DTD1: variants seen among roughly 807,000 people sequenced by gnomAD.
The protein encoded by DTD1 is D-aminoacyl-tRNA deacylase 1, also known as D-tyrosyl-tRNA deacylase 1 homolog.
Under a neutral mutation model 25.6 loss-of-function variants are expected in DTD1, and 13 were observed. The observed-to-expected ratio is 0.51, with a 90% CI of 0.33 to 0.81. The LOEUF (loss-of-function observed/expected upper bound fraction) is 0.81. DTD1 is among the 30% of genes least tolerant of loss of function. DTD1 has a pLI of 0.02. For synonymous variants in DTD1, 110 were observed against 103.6 expected (o/e 1.06, Z -0.37); for missense variants, 193 against 266.4 (o/e 0.72, Z 1.92).
intron 4 of DTD1, among the ~76,000 whole-genome samples, chr20:18,728,608 G>A (rs1306369866): frequency 6.6e-6 from 1 of 152,158 alleles, no homozygotes; most frequent in African/African-American, 2.4e-5. Flanking sequence ...CTGGATGTGG[G>A]AATCTGTAAG....
chr20:18,694,441 C>T (rs766966752), intron 4 of DTD1, among the ~76,000 whole-genome samples: 36 of 152,116 alleles, frequency 2.4e-4, no homozygotes, highest in Admixed American at 4.6e-4. Context: ...GTTAGTGAGG[C>T]GTTTAGAACG....
chr20:18,662,562 A>G (rs2060915471), intron 4 of DTD1, among the ~76,000 whole-genome samples: 1 of 152,268 alleles, frequency 6.6e-6, no homozygotes. Context: ...TATTGGTAGA[A>G]GGATGCTCAA....
chr20:18,620,893 C>T (rs1297196570), intron 3 of DTD1, among the ~76,000 whole-genome samples: 1 of 152,202 alleles, frequency 6.6e-6, no homozygotes, highest in African/African-American at 2.4e-5. Context: ...CCTTGCCTGG[C>T]TGTTAACTTT....
At chr20:18,673,435 C>G (rs1568664715) in intron 4 of DTD1, among the ~76,000 whole-genome samples, 1 of 152,092 alleles carries the variant, frequency 6.6e-6, no homozygotes, top group Non-Finnish European at 1.5e-5. Flanking sequence ...CAGATTCCTG[C>G]TCTTATATAA....
At chr20:18,618,817 A>C (rs1309746969) in intron 3 of DTD1, among the ~76,000 whole-genome samples, 1 of 151,290 alleles carries the variant, frequency 6.6e-6, no homozygotes, top group Non-Finnish European at 1.5e-5. Flanking sequence ...GGTTCAAGCA[A>C]TTCTCCTGCC....
intron 4 of DTD1, chr20:18,631,790 C>T (rs2060788522): frequency 2.0e-6 from 2 of 984,946 alleles, no homozygotes; most frequent in Non-Finnish European, 2.4e-6. Flanking sequence ...TATTATTCTG[C>T]TTTAACTCTA....
intron 3 of DTD1, among the ~76,000 whole-genome samples, chr20:18,615,582 C>T (rs1254034678): frequency 1.3e-5 from 2 of 152,128 alleles, no homozygotes; most frequent in East Asian, 3.8e-4. Flanking sequence ...CAAGTTATAC[C>T]AAAATGGAAT....
chr20:18,649,464 G>A (rs1433329655), intron 4 of DTD1, among the ~76,000 whole-genome samples: 1 of 146,274 alleles, frequency 6.8e-6, no homozygotes, highest in Non-Finnish European at 1.5e-5. Flanking sequence ...TCAGCCTCCC[G>A]AGTAGCTGGC....
intron 4 of DTD1, among the ~76,000 whole-genome samples, chr20:18,729,812 C>A (rs1419766403): frequency 6.6e-6 from 1 of 152,236 alleles, no homozygotes; most frequent in Non-Finnish European, 1.5e-5. Context: ...CTCCTCCCTG[C>A]ATAGCCTGCC....
chr20:18,651,140 TTTTG>T (rs1218917455), intron 4 of DTD1, among the ~76,000 whole-genome samples: 9 of 152,064 alleles, frequency 5.9e-5, no homozygotes, highest in Admixed American at 2.6e-4. Context: ...GCTGGTTAGT[TTTTG>T]TTTGTTTGTT....
At chr20:18,631,886 CCTTT>C (rs1393156095) in intron 4 of DTD1, 18 of 984,928 alleles carry the variant, frequency 1.8e-5, no homozygotes, top group Non-Finnish European at 2.2e-5. Flanking sequence ...AGAATCTTCA[CCTTT>C]CTTTCAACCA....
At chr20:18,659,329 C>T (rs1220191180) in intron 4 of DTD1, among the ~76,000 whole-genome samples, 2 of 152,152 alleles carry the variant, frequency 1.3e-5, no homozygotes, top group Non-Finnish European at 2.9e-5. Context: ...CCAGGCTGAC[C>T]TGTGGAAGGG....
chr20:18,659,397 A>T (rs1221298182), intron 4 of DTD1, among the ~76,000 whole-genome samples: 2 of 152,144 alleles, frequency 1.3e-5, no homozygotes, highest in South Asian at 4.1e-4. Context: ...ATGAACAGCT[A>T]CAAGTACATG....
At chr20:18,644,072 A>G (rs1251955264) in intron 4 of DTD1, among the ~76,000 whole-genome samples, 1 of 151,972 alleles carries the variant, frequency 6.6e-6, no homozygotes, top group Admixed American at 6.6e-5. Context: ...TTTCCTTTTG[A>G]TGGATTTATG....
At chr20:18,588,761 T>C in intron 1 of DTD1, 1 of 985,108 alleles carries the variant, frequency 1.0e-6, no homozygotes. Context: ...ATGAAAACAT[T>C]TCTCTTTTTC....
intron 4 of DTD1, among the ~76,000 whole-genome samples, chr20:18,718,243 A>G (rs1477420965): frequency 6.6e-6 from 1 of 152,234 alleles, no homozygotes; most frequent in Non-Finnish European, 1.5e-5. Flanking sequence ...TATGTTTATT[A>G]ATTAGTTAAG....
At chr20:18,656,070 C>T (rs2060890679) in intron 4 of DTD1, among the ~76,000 whole-genome samples, 1 of 152,138 alleles carries the variant, frequency 6.6e-6, no homozygotes, top group South Asian at 2.1e-4. Context: ...CACACCTGGC[C>T]TCATTTGTTT....
At chr20:18,760,352 T>G (rs1373493500) in intron 5 of DTD1, among the ~76,000 whole-genome samples, 2 of 152,220 alleles carry the variant, frequency 1.3e-5, no homozygotes, top group African/African-American at 4.8e-5. Flanking sequence ...TGTGTTTTCC[T>G]CATCTTTATG....
At chr20:18,626,810 C>G (rs779327571) in intron 3 of DTD1, among the ~76,000 whole-genome samples, 6 of 152,148 alleles carry the variant, frequency 3.9e-5, no homozygotes, top group Non-Finnish European at 7.3e-5. Flanking sequence ...GAATGATAAA[C>G]AAGGTGAAGC....
Sources: gnomAD v4.1 joint callset for allele counts (sites outside exome capture counted in the v4.1 genomes callset) on GRCh38, gnomAD v4.1.1 for gene constraint, MANE v1.5 for transcripts, NCBI Gene and HGNC (gene_info 2026-07-23, HGNC 2026-07-21) for gene names.